CLNK: variants seen among roughly 807,000 people sequenced by gnomAD.
The protein encoded by CLNK is cytokine-dependent hematopoietic cell linker.
Under a neutral mutation model 68.6 loss-of-function variants are expected in CLNK, and 74 were observed. That is an observed-to-expected ratio of 1.08 (90% CI 0.89 to 1.31). CLNK has a LOEUF of 1.31. Ranked by LOEUF, CLNK falls within the 50% of genes most tolerant of loss-of-function variation. CLNK has a pLI of 0.00. For missense variants in CLNK, 553 were observed against 515.3 expected (o/e 1.07, Z -0.71); for synonymous variants, 198 against 172.2 (o/e 1.15, Z -1.17).
At chr4:10,531,763 G>C (rs1718553634) in intron 12 of CLNK, 1 of 456,688 alleles carries the variant, frequency 2.2e-6, no homozygotes, top group African/African-American at 2.0e-5. Context: ...TTATGGCTGA[G>C]GAAACAGAAA....
intron 2 of CLNK, among the ~76,000 whole-genome samples, chr4:10,611,892 C>T (rs1011904416): frequency 3.3e-5 from 5 of 152,184 alleles, no homozygotes; most frequent in Non-Finnish European, 7.3e-5. Context: ...ATCTTTGGAA[C>T]ATGACTCACC....
intron 4 of CLNK, among the ~76,000 whole-genome samples, chr4:10,581,358 C>T (rs1026364242): frequency 2.0e-5 from 3 of 151,964 alleles, no homozygotes; most frequent in Non-Finnish European, 4.4e-5. Context: ...CACACACACA[C>T]ATATAAAGAG....
chr4:10,491,899 A>C (rs1400837452), intron 18 of CLNK, among the ~76,000 whole-genome samples: 1 of 152,172 alleles, frequency 6.6e-6, no homozygotes, highest in African/African-American at 2.4e-5. Context: ...TGTACCCAGT[A>C]GGTGATTTTT....
chr4:10,644,475 G>A (rs1316638596), intron 2 of CLNK, among the ~76,000 whole-genome samples: 1 of 152,150 alleles, frequency 6.6e-6, no homozygotes, highest in African/African-American at 2.4e-5. Flanking sequence ...ACACACTGAG[G>A]TTTGGTCGCA....
intron 8 of CLNK, among the ~76,000 whole-genome samples, chr4:10,557,075 CAAAA>C (rs1414903557): frequency 1.1e-5 from 1 of 94,344 alleles, no homozygotes; most frequent in Admixed American, 1.3e-4. Context: ...GACTCTGTCT[CAAAA>C]TAAATAAATA....
At chr4:10,596,267 C>T (rs749769547) in intron 3 of CLNK, among the ~76,000 whole-genome samples, 1 of 152,088 alleles carries the variant, frequency 6.6e-6, no homozygotes, top group African/African-American at 2.4e-5. Context: ...TCAGGTGATC[C>T]GCCTGCCTCA....
At chr4:10,521,359 C>A (rs1041871948) in intron 14 of CLNK, among the ~76,000 whole-genome samples, 4 of 152,154 alleles carry the variant, frequency 2.6e-5, no homozygotes, top group East Asian at 1.9e-4. Context: ...TAACAATATG[C>A]ATTTCTAAAT....
chr4:10,673,264 C>G (rs1373674260), intron 1 of CLNK, among the ~76,000 whole-genome samples: 1 of 136,780 alleles, frequency 7.3e-6, no homozygotes, highest in African/African-American at 2.7e-5. Context: ...ATTATGGGAA[C>G]ACAGGGAAAA....
chr4:10,542,662 G>GTA (rs1560209180), intron 8 of CLNK, among the ~76,000 whole-genome samples: 6 of 146,944 alleles, frequency 4.1e-5, no homozygotes, highest in East Asian at 4.2e-4. Context: ...GTGTATGTGT[G>GTA]TGTGTGTGTG....
chr4:10,700,963 G>A, the CLNK span, among the ~76,000 whole-genome samples: 1 of 152,118 alleles, frequency 6.6e-6, no homozygotes, highest in South Asian at 2.1e-4. Context: ...AAACATTTCA[G>A]CAAATTGTTA....
At chr4:10,635,935 G>T (rs182553805) in intron 2 of CLNK, 1 of 152,188 alleles carries the variant, frequency 6.6e-6, no homozygotes, top group Non-Finnish European at 1.5e-5. Flanking sequence ...CATAAGACGC[G>T]TTCTCTGCAA....
At chr4:10,691,800 A>T in the CLNK span, among the ~76,000 whole-genome samples, 14 of 152,318 alleles carry the variant, frequency 9.2e-5, no homozygotes, top group African/African-American at 3.4e-4. Context: ...GCCTTGAAGC[A>T]AGAATCAGAT....
At chr4:10,697,871 G>C in the CLNK span, among the ~76,000 whole-genome samples, 2 of 152,166 alleles carry the variant, frequency 1.3e-5, no homozygotes, top group African/African-American at 4.8e-5. Flanking sequence ...ATAAAACGAG[G>C]CTCATCAAAG....
chr4:10,598,127 T>A (rs1333302990), intron 2 of CLNK, 78 bp from the exon 3 acceptor site: 1 of 917,040 alleles, frequency 1.1e-6, no homozygotes, highest in Non-Finnish European at 1.7e-6. Context: ...CATTCATTCA[T>A]AGAAAGAGCC....
At chr4:10,642,428 C>T (rs912834355) in intron 2 of CLNK, among the ~76,000 whole-genome samples, 2 of 151,992 alleles carry the variant, frequency 1.3e-5, no homozygotes, top group Admixed American at 1.3e-4. Flanking sequence ...CATTTTTTTT[C>T]TGGAGAGTCA....
the CLNK span, among the ~76,000 whole-genome samples, chr4:10,711,603 A>T: frequency 1.1e-4 from 1 of 8,748 alleles, no homozygotes; most frequent in African/African-American, 2.7e-4. Flanking sequence ...CTAAATTTAT[A>T]AAAAAACTTA....
At chr4:10,497,464 C>A (rs1266650902) in intron 18 of CLNK, among the ~76,000 whole-genome samples, 1 of 152,184 alleles carries the variant, frequency 6.6e-6, no homozygotes, top group Non-Finnish European at 1.5e-5. Flanking sequence ...CAGAAAGGAG[C>A]TTCTTAAAAC....
the CLNK span, among the ~76,000 whole-genome samples, chr4:10,712,247 G>A: frequency 1.3e-5 from 2 of 152,172 alleles, no homozygotes; most frequent in Non-Finnish European, 2.9e-5. Context: ...GGCAGGTGGT[G>A]GTCTTCAGCA....
chr4:10,627,317 C>T (rs1296941958), intron 2 of CLNK, among the ~76,000 whole-genome samples: 2 of 152,150 alleles, frequency 1.3e-5, no homozygotes, highest in African/African-American at 4.8e-5. Context: ...TGGCCCTGCA[C>T]CAGGACTTTA....
Sources: gnomAD v4.1 joint callset for allele counts (sites outside exome capture counted in the v4.1 genomes callset) on GRCh38, gnomAD v4.1.1 for gene constraint, MANE v1.5 for transcripts, NCBI Gene and HGNC (gene_info 2026-07-23, HGNC 2026-07-21) for gene names.